Variants in ERBB4 observed in about 807,000 individuals in gnomAD.
ERBB4 encodes the protein erb-b2 receptor tyrosine kinase 4.
In ERBB4, 42 loss-of-function variants were observed where a neutral mutation model predicts 158.0. The observed-to-expected ratio is 0.27, with a 90% CI of 0.21 to 0.34. The LOEUF (loss-of-function observed/expected upper bound fraction) is 0.34. ERBB4 is among the 10% of genes least tolerant of loss of function. The pLI, the probability that ERBB4 is intolerant of heterozygous loss-of-function variation, is 1.00. For missense variants in ERBB4, 1,333 were observed against 1,624.1 expected (o/e 0.82, Z 3.08); for synonymous variants, 583 against 558.7 (o/e 1.04, Z -0.61).
chr2:211,951,306 A>T (rs1259667158), intron 2 of ERBB4, among the ~76,000 whole-genome samples: 2 of 152,162 alleles, frequency 1.3e-5, no homozygotes, highest in African/African-American at 2.4e-5. Flanking sequence ...GTAAAAGAGT[A>T]ACATTAATAG....
chr2:212,538,039 G>A (rs1311777222), intron 1 of ERBB4, among the ~76,000 whole-genome samples: 2 of 152,158 alleles, frequency 1.3e-5, no homozygotes, highest in Non-Finnish European at 2.9e-5. Context: ...GGCCCAGCCA[G>A]CACCGCCCCA....
At chr2:212,401,511 CAG>C (rs1453729301) in intron 1 of ERBB4, among the ~76,000 whole-genome samples, 1 of 152,000 alleles carries the variant, frequency 6.6e-6, no homozygotes, top group East Asian at 1.9e-4. Flanking sequence ...ACTACTAAAA[CAG>C]ATCTGCACAA....
At chr2:211,753,297 T>G (rs1430140462) in intron 4 of ERBB4, among the ~76,000 whole-genome samples, 1 of 152,052 alleles carries the variant, frequency 6.6e-6, no homozygotes, top group African/African-American at 2.4e-5. Flanking sequence ...AAAACAAAAT[T>G]TCCTATAAGC....
intron 19 of ERBB4, among the ~76,000 whole-genome samples, chr2:211,602,056 GGAA>G (rs1238103510): frequency 6.6e-6 from 1 of 152,114 alleles, no homozygotes; most frequent in Non-Finnish European, 1.5e-5. Flanking sequence ...GGATGCTGCA[GGAA>G]GAAGAGGCTT....
chr2:211,747,684 A>G (rs1311323526), intron 5 of ERBB4, among the ~76,000 whole-genome samples: 4 of 152,170 alleles, frequency 2.6e-5, no homozygotes, highest in African/African-American at 9.7e-5. Flanking sequence ...AATTTCAATC[A>G]AAGTTAGGGA....
At chr2:212,260,776 G>A (rs547728285) in intron 1 of ERBB4, among the ~76,000 whole-genome samples, 1 of 151,760 alleles carries the variant, frequency 6.6e-6, no homozygotes, top group African/African-American at 2.4e-5. Context: ...TAGCGCCACT[G>A]CACTCCAGCC....
At chr2:212,434,285 C>T (rs529110889) in intron 1 of ERBB4, among the ~76,000 whole-genome samples, 2 of 151,970 alleles carry the variant, frequency 1.3e-5, no homozygotes, top group East Asian at 3.9e-4. Flanking sequence ...TATGACTGGA[C>T]ACTGTTTGAA....
At chr2:211,528,087 C>G (rs1272951944) in intron 20 of ERBB4, among the ~76,000 whole-genome samples, 1 of 151,934 alleles carries the variant, frequency 6.6e-6, no homozygotes, top group Non-Finnish European at 1.5e-5. Context: ...AAAACAGGAA[C>G]CAATGATCTC....
chr2:211,494,683 T>C (rs555968299), intron 20 of ERBB4, among the ~76,000 whole-genome samples: 17 of 152,280 alleles, frequency 1.1e-4, no homozygotes, highest in African/African-American at 4.1e-4. Flanking sequence ...TATGATTCCC[T>C]TTTAAAAGGC....
At chr2:211,394,225 G>A (rs2062864707) in intron 25 of ERBB4, among the ~76,000 whole-genome samples, 1 of 152,094 alleles carries the variant, frequency 6.6e-6, no homozygotes, top group Non-Finnish European at 1.5e-5. Flanking sequence ...AAAAAAGAAA[G>A]GGCATAAAGA....
At chr2:211,876,256 C>G (rs538483515) in intron 3 of ERBB4, among the ~76,000 whole-genome samples, 4 of 152,074 alleles carry the variant, frequency 2.6e-5, no homozygotes, top group Non-Finnish European at 5.9e-5. Context: ...TCCTTGCACA[C>G]GTCAGTAGGT....
chr2:211,532,607 G>A (rs908340913), intron 20 of ERBB4, among the ~76,000 whole-genome samples: 2 of 151,964 alleles, frequency 1.3e-5, no homozygotes, highest in Admixed American at 6.6e-5. Flanking sequence ...TCTACAGATA[G>A]AAGATGATAA....
chr2:211,761,625 T>C (rs575564372), intron 4 of ERBB4, among the ~76,000 whole-genome samples: 2 of 152,310 alleles, frequency 1.3e-5, no homozygotes, highest in African/African-American at 4.8e-5. Context: ...TATTTGTTTA[T>C]TAAAGTTCAG....
At chr2:211,823,887 CAA>C (rs1559549629) in intron 3 of ERBB4, among the ~76,000 whole-genome samples, 1 of 151,868 alleles carries the variant, frequency 6.6e-6, no homozygotes, top group East Asian at 1.9e-4. Flanking sequence ...TGTTTACATT[CAA>C]AGAGAAGTAG....
At chr2:211,744,249 C>T (rs2074891933) in intron 5 of ERBB4, among the ~76,000 whole-genome samples, 1 of 152,090 alleles carries the variant, frequency 6.6e-6, no homozygotes. Flanking sequence ...CTAACTGTGG[C>T]ACCCAAAAAA....
chr2:211,833,448 T>C (rs1408744951), intron 3 of ERBB4, among the ~76,000 whole-genome samples: 1 of 152,010 alleles, frequency 6.6e-6, no homozygotes, highest in Non-Finnish European at 1.5e-5. Context: ...ACTTTGTAAA[T>C]ATAAGGCATA....
At chr2:212,485,738 T>C (rs529707513) in intron 1 of ERBB4, among the ~76,000 whole-genome samples, 6 of 152,324 alleles carry the variant, frequency 3.9e-5, no homozygotes, top group African/African-American at 1.2e-4. Context: ...CTCAGAGCTG[T>C]GTATGCCGGG....
At chr2:211,832,104 T>C (rs896444261) in intron 3 of ERBB4, among the ~76,000 whole-genome samples, 1 of 152,194 alleles carries the variant, frequency 6.6e-6, no homozygotes, top group African/African-American at 2.4e-5. Flanking sequence ...AATAAATACC[T>C]GAATATAAAA....
intron 1 of ERBB4, among the ~76,000 whole-genome samples, chr2:212,212,599 C>G (rs1300822835): frequency 6.6e-6 from 1 of 151,778 alleles, no homozygotes; most frequent in Admixed American, 6.6e-5. Flanking sequence ...AAGAAAGACC[C>G]CTATAGCCAA....
Sources: gnomAD v4.1 joint callset for allele counts (sites outside exome capture counted in the v4.1 genomes callset) on GRCh38, gnomAD v4.1.1 for gene constraint, MANE v1.5 for transcripts, NCBI Gene and HGNC (gene_info 2026-07-23, HGNC 2026-07-21) for gene names.